ADAM9: variants seen among roughly 807,000 people sequenced by gnomAD.
ADAM9 encodes the protein ADAM metallopeptidase domain 9.
Under a neutral mutation model 108.1 loss-of-function variants are expected in ADAM9, and 54 were observed. The ratio of observed to expected loss-of-function variants is 0.50; its 90% CI spans 0.40 to 0.63. The LOEUF (loss-of-function observed/expected upper bound fraction) is 0.63, where lower values mean the gene tolerates loss of function less well. Among genes scored for constraint, ADAM9 ranks in the 20% least tolerant of loss-of-function variants. The probability of loss-of-function intolerance (pLI) is 0.00; values close to 1 mark genes in which losing one functional copy is unlikely to be tolerated. For synonymous variants in ADAM9, 316 were observed against 336.0 expected, an observed-to-expected ratio of 0.94 and a Z score of 0.65; for missense variants, 830 against 997.7, an observed-to-expected ratio of 0.83 and a Z score of 2.26.
chr8:39,001,518 T>G (rs1835991053), intron 1 of ADAM9, among the ~76,000 whole-genome samples: 1 of 152,142 alleles, frequency 6.6e-6, no homozygotes, highest in Non-Finnish European at 1.5e-5. Context: ...TAGAAATGGG[T>G]GGTGTTTTTC....
In ADAM9 at chr8:39,061,182, G is replaced by A. The variant is rs548236057; in HGVS notation, c.1591+5410G>A. Among the ~76,000 whole-genome samples the A allele has an allele frequency of 1.4e-4, 21 of 152,234 alleles. No homozygotes were observed. The South Asian group carries it at 3.7e-3, about 27-fold the overall frequency. ...CTCCAGAGATGTGGTATTGCTTTTG[G>A]CTTACTATTTTCCTAGGTAGAGGCA... On this transcript the variant is annotated intron_variant, in intron 14 of 21. Transcript: ENST00000487273.
chr8:39,065,659 C>CAAA lies in ADAM9; in HGVS notation c.1592-5618_1592-5616dup, dbSNP rs33990237. On this transcript the variant is annotated intron_variant, in intron 14 of 21. Transcript: ENST00000487273. ...TGGGCGACAGTGCGAGGCTACATCTCAAAAAAAAAAAAAAAAAAAAAAAGG... is the reference window on the plus strand; with the variant it reads ...TGGGCGACAGTGCGAGGCTACATCTCAAAAAAAAAAAAAAAAAAAAAAAAAAGG... 6.3e-4 allele frequency among the ~76,000 whole-genome samples: 46 copies of CAAA among 72,856 alleles called. 1 individual carries two copies. The highest frequency in any genetic ancestry group is 1.7e-3 in the African/African-American group (30 of 17,608). The allele number at this position is 72,856 out of a possible 152,430, so 47.8% of individuals were successfully genotyped here.
At chr8:39,097,250 G>T (rs1188151296) in intron 20 of ADAM9, among the ~76,000 whole-genome samples, 1 of 151,338 alleles carries the variant, frequency 6.6e-6, no homozygotes, top group Non-Finnish European at 1.5e-5. Context: ...AATTGTGGAG[G>T]TTTGCTAGTT....
intron 16 of ADAM9, among the ~76,000 whole-genome samples, chr8:39,081,396 C>T (rs1018577615): frequency 6.6e-6 from 1 of 152,194 alleles, no homozygotes; most frequent in African/African-American, 2.4e-5. Context: ...TAACACATTT[C>T]ATCTTATTTA....
intron 12 of ADAM9, among the ~76,000 whole-genome samples, chr8:39,047,800 AT>A (rs1837820901): frequency 1.3e-5 from 2 of 149,854 alleles, no homozygotes; most frequent in African/African-American, 4.9e-5. Context: ...TCTGAAGTTC[AT>A]TATTTCCCTT....
intron 2 of ADAM9, 44 bp downstream of exon 2, chr8:39,008,027 C>T (rs1328351629): frequency 6.9e-7 from 1 of 1,450,724 alleles, no homozygotes; most frequent in Non-Finnish European, 9.6e-7. Context: ...TAATTTTTTT[C>T]TTTTCTGTTT....
chr8:39,050,701 C>T (rs1837929538), intron 12 of ADAM9, among the ~76,000 whole-genome samples: 1 of 151,930 alleles, frequency 6.6e-6, no homozygotes, highest in Non-Finnish European at 1.5e-5. Flanking sequence ...TCAGTGTCTA[C>T]AATATGCTGG....
chr8:39,057,227 A>G (rs1838152792), intron 14 of ADAM9, among the ~76,000 whole-genome samples: 1 of 151,976 alleles, frequency 6.6e-6, no homozygotes, highest in Non-Finnish European at 1.5e-5. Context: ...CACAATGACA[A>G]AATCACCTAA....
At chr8:39,087,871 C>G (rs1442000725) in intron 18 of ADAM9, among the ~76,000 whole-genome samples, 1 of 152,084 alleles carries the variant, frequency 6.6e-6, no homozygotes, top group African/African-American at 2.4e-5. Context: ...TTGGCTTCCC[C>G]AAAACTTAAC....
chr8:39,071,157 A>T, intron 14 of ADAM9, 141 bp from the exon 15 acceptor site: 1 of 657,974 alleles, frequency 1.5e-6, no homozygotes. Context: ...ATCATGTGTG[A>T]GGCAGGAAAG....
At chr8:39,066,962 C>T (rs1308341574) in intron 14 of ADAM9, among the ~76,000 whole-genome samples, 1 of 152,200 alleles carries the variant, frequency 6.6e-6, no homozygotes. Flanking sequence ...TTTCAGTTTT[C>T]TACATATGGC....
chr8:39,013,048 C>G (rs1169578946), intron 3 of ADAM9, among the ~76,000 whole-genome samples: 5 of 152,152 alleles, frequency 3.3e-5, no homozygotes, highest in Non-Finnish European at 7.3e-5. Flanking sequence ...CATTACATCT[C>G]TGACTTGTCC....
intron 18 of ADAM9, chr8:39,089,775 A>G: frequency 2.4e-6 from 1 of 424,072 alleles, no homozygotes; most frequent in Non-Finnish European, 4.4e-6. Flanking sequence ...TTGTGTAAGA[A>G]AGTGTTGACA....
chr8:39,054,369 T>G, intron 12 of ADAM9, 112 bp from the exon 13 acceptor site: 1 of 932,584 alleles, frequency 1.1e-6, no homozygotes, highest in Non-Finnish European at 1.7e-6. Context: ...GGAGGGTAAC[T>G]GCTACAATCA....
intron 16 of ADAM9, among the ~76,000 whole-genome samples, chr8:39,079,991 T>C (rs1197209472): frequency 1.3e-5 from 2 of 152,248 alleles, no homozygotes; most frequent in South Asian, 2.1e-4. Context: ...CTGGCTTTTA[T>C]TGGCACAATT....
At chr8:39,066,266 C>A (rs1166731486) in intron 14 of ADAM9, among the ~76,000 whole-genome samples, 1 of 152,156 alleles carries the variant, frequency 6.6e-6, no homozygotes, top group African/African-American at 2.4e-5. Context: ...GGTATATACC[C>A]AGTAATGGGA....
chr8:39,009,679 T>TA (rs1032717285), intron 2 of ADAM9, among the ~76,000 whole-genome samples: 1 of 152,196 alleles, frequency 6.6e-6, no homozygotes, highest in African/African-American at 2.4e-5. Flanking sequence ...ATGCTTTGGT[T>TA]AATATTTGGA....
At chr8:39,066,801 G>A (rs376536929) in intron 14 of ADAM9, among the ~76,000 whole-genome samples, 3 of 152,088 alleles carry the variant, frequency 2.0e-5, no homozygotes, top group Admixed American at 6.5e-5. Context: ...ATTGCTTTTG[G>A]TGTTTTAGAC....
At chr8:39,058,551 C>T (rs775134222) in intron 14 of ADAM9, among the ~76,000 whole-genome samples, 18 of 152,204 alleles carry the variant, frequency 1.2e-4, no homozygotes, top group Non-Finnish European at 2.6e-4. Flanking sequence ...TCTAGACATA[C>T]TCTTCCTTGC....
Sources: allele counts gnomAD v4.1 joint callset (sites outside exome capture counted in the v4.1 genomes callset), GRCh38; gene constraint gnomAD v4.1.1; transcripts MANE v1.5; gene names NCBI Gene and HGNC (gene_info 2026-07-23, HGNC 2026-07-21).